XPO7: variants seen among roughly 807,000 people sequenced by gnomAD.
The protein encoded by XPO7 is exportin 7, also known as exportin-7.
XPO7 carries 21 observed loss-of-function variants against 144.3 expected under a neutral mutation model. The ratio of observed to expected loss-of-function variants is 0.15; its 90% CI spans 0.10 to 0.21. The LOEUF (loss-of-function observed/expected upper bound fraction) is 0.21, where lower values mean the gene tolerates loss of function less well. XPO7 is among the 10% of genes least tolerant of loss of function. The probability of loss-of-function intolerance (pLI) is 1.00; values close to 1 mark genes in which losing one functional copy is unlikely to be tolerated. For synonymous variants in XPO7, 580 were observed against 499.6 expected, an observed-to-expected ratio of 1.16 and a Z score of -2.15; for missense variants, 808 against 1,325.8, an observed-to-expected ratio of 0.61 and a Z score of 6.06.
chr8:21,967,657 G>C (rs1369745576), intron 2 of XPO7, among the ~76,000 whole-genome samples: 5 of 152,066 alleles, frequency 3.3e-5, no homozygotes, highest in African/African-American at 4.8e-5. Context: ...TTAATCCAAA[G>C]TCCTAGTACA....
chr8:21,985,873 C>G (rs937425051), intron 13 of XPO7, among the ~76,000 whole-genome samples, 182 bp downstream of exon 13: 4 of 152,120 alleles, frequency 2.6e-5, no homozygotes, highest in Non-Finnish European at 5.9e-5. Context: ...AAATAAAAAA[C>G]CAGCAATAAT....
chr8:21,933,183 C>T (rs1430026168), intron 1 of XPO7, among the ~76,000 whole-genome samples: 1 of 150,360 alleles, frequency 6.7e-6, no homozygotes, highest in Non-Finnish European at 1.5e-5. Context: ...TCACTGCAAC[C>T]TCCACCTCCT....
At chr8:21,940,492 C>T (rs899195378) in intron 1 of XPO7, among the ~76,000 whole-genome samples, 3 of 150,266 alleles carry the variant, frequency 2.0e-5, no homozygotes, top group East Asian at 3.9e-4. Flanking sequence ...TTTTTTGAGC[C>T]GGAGTCTCAC....
chr8:21,955,724 C>T (rs1348662363), intron 1 of XPO7, among the ~76,000 whole-genome samples: 1 of 102,756 alleles, frequency 9.7e-6, no homozygotes, highest in African/African-American at 4.4e-5. Flanking sequence ...CTGTGCTTAC[C>T]TTTTTTTTTT....
At chr8:21,943,892 G>T (rs1811074814) in intron 1 of XPO7, among the ~76,000 whole-genome samples, 1 of 152,154 alleles carries the variant, frequency 6.6e-6, no homozygotes, top group South Asian at 2.1e-4. Context: ...AGAGTAGTAT[G>T]ATCTGAATAT....
At chr8:21,951,304 C>G (rs1401210865) in intron 1 of XPO7, among the ~76,000 whole-genome samples, 1 of 151,752 alleles carries the variant, frequency 6.6e-6, no homozygotes, top group African/African-American at 2.4e-5. Context: ...CTTAATTACC[C>G]TTTTGAATAC....
intron 1 of XPO7, among the ~76,000 whole-genome samples, chr8:21,930,827 C>A (rs192602333): frequency 2.0e-5 from 3 of 152,136 alleles, no homozygotes; most frequent in Non-Finnish European, 4.4e-5. Context: ...AATTCCATTT[C>A]AATAGCCTTT....
chr8:21,943,242 C>G (rs1025756898), intron 1 of XPO7, among the ~76,000 whole-genome samples: 1 of 152,114 alleles, frequency 6.6e-6, no homozygotes. Context: ...ACGAAAATGA[C>G]TTCTTGGATT....
intron 1 of XPO7, among the ~76,000 whole-genome samples, chr8:21,931,308 G>A (rs1035605371): frequency 4.6e-4 from 70 of 152,070 alleles, no homozygotes; most frequent in Admixed American, 3.0e-3. Context: ...GACTGCAAGC[G>A]CCTGCCACCA....
At chr8:21,932,691 T>G (rs1810691098) in intron 1 of XPO7, among the ~76,000 whole-genome samples, 1 of 152,228 alleles carries the variant, frequency 6.6e-6, no homozygotes, top group Non-Finnish European at 1.5e-5. Context: ...TCTTATCTCT[T>G]CTTTTATTAT....
Position 21,919,737 on chromosome 8 carries a change from AG to A in XPO7, c.-27del, listed in dbSNP as rs908748371. The A allele has an allele frequency of 5.3e-4, 138 of 258,652 alleles. No individual in the cohort carries two copies. The highest frequency in any genetic ancestry group is 9.6e-4 in the Admixed American group (15 of 15,672). 16.0% of individuals were successfully genotyped at this position (258,652 alleles called of 1,614,324 possible). On this transcript the variant is annotated 5_prime_UTR_variant, in exon 1 of 28. Coordinates refer to ENST00000252512, the MANE Select transcript of XPO7 (RefSeq NM_015024.5). ...CCGGCCGAGGTGCGCGCTGGGGGGGAGGGGGGGCCGGAGAGGAGCATGAATG... is the reference window on the plus strand; with the variant it reads ...CCGGCCGAGGTGCGCGCTGGGGGGGAGGGGGGCCGGAGAGGAGCATGAATG...
rs889482167 is a variant in XPO7 at position 21,969,650 on chromosome 8, A to G, written c.259+74A>G. 25 of 1,349,612 alleles carry G rather than the reference A, an allele frequency of 1.9e-5. No individual in the cohort carries two copies. The Admixed American group carries it at 3.9e-4, about 21-fold the overall frequency. 83.6% of individuals were successfully genotyped at this position (1,349,612 alleles called of 1,614,324 possible). On this transcript the variant is annotated intron_variant, in intron 3 of 27. Coordinates refer to ENST00000252512, the MANE Select transcript of XPO7 (RefSeq NM_015024.5). ...TGATGTGCTAGTAATAGTCAAATGT[A>G]CGTGTTTGTTCAATGATATGCTGAG... is the stretch of plus-strand genomic sequence containing the variant.
At chr8:21,979,188 G>T (rs1812322320) in intron 8 of XPO7, among the ~76,000 whole-genome samples, 1 of 151,894 alleles carries the variant, frequency 6.6e-6, no homozygotes, top group East Asian at 1.9e-4. Flanking sequence ...TGGAATTACA[G>T]GCATGAGCCA....
At chr8:21,999,792 C>A in intron 24 of XPO7, 118 bp downstream of exon 24, 1 of 1,330,918 alleles carries the variant, frequency 7.5e-7, no homozygotes, top group Non-Finnish European at 1.0e-6. Flanking sequence ...GGGGGTTTGG[C>A]CATAACAATA....
chr8:21,978,627 G>C (rs929749938), intron 8 of XPO7, among the ~76,000 whole-genome samples: 41 of 152,178 alleles, frequency 2.7e-4, no homozygotes, highest in African/African-American at 9.9e-4. Context: ...TACTTGCAAA[G>C]GTATGGGTAA....
chr8:21,993,880 T>C (rs1469248671), intron 19 of XPO7, among the ~76,000 whole-genome samples: 1 of 151,930 alleles, frequency 6.6e-6, no homozygotes, highest in East Asian at 1.9e-4. Context: ...TCTTTTTTGC[T>C]TTTTTCTGGC....
In XPO7 at chr8:21,931,193, C is replaced by T. The variant is rs564488061; in HGVS notation, c.18+11405C>T. Among the ~76,000 whole-genome samples, 12 of 150,966 alleles carry T rather than the reference C, an allele frequency of 7.9e-5. No homozygotes were observed. In the South Asian group the frequency reaches 2.3e-3, roughly 29 times the overall value. On this transcript the variant is annotated intron_variant, in intron 1 of 27. Coordinates refer to ENST00000252512, the MANE Select transcript of XPO7 (RefSeq NM_015024.5). ...CTTTTTTTTTTTTTAGACAGAGTCTCGCTCTGTTGACCAGGCTGGAGTGCA... is the reference window on the plus strand; with the variant it reads ...CTTTTTTTTTTTTTAGACAGAGTCTTGCTCTGTTGACCAGGCTGGAGTGCA...
At chr8:21,940,177 A>G (rs1377603891) in intron 1 of XPO7, among the ~76,000 whole-genome samples, 1 of 152,200 alleles carries the variant, frequency 6.6e-6, no homozygotes, top group African/African-American at 2.4e-5. Flanking sequence ...AAGTAATGGT[A>G]AAAATAACAC....
intron 21 of XPO7, among the ~76,000 whole-genome samples, chr8:21,996,257 T>A (rs1812945807): frequency 6.6e-6 from 1 of 152,086 alleles, no homozygotes. Context: ...AACCCACCTC[T>A]ACAAAAAATT....
Sources: allele counts gnomAD v4.1 joint callset (sites outside exome capture counted in the v4.1 genomes callset), GRCh38; gene constraint gnomAD v4.1.1; transcripts MANE v1.5; gene names NCBI Gene and HGNC (gene_info 2026-07-23, HGNC 2026-07-21).